The following LMLN variants were observed in gnomAD, a reference collection of about 807,000 sequenced individuals.
The protein encoded by LMLN is leishmanolysin-like peptidase.
A neutral mutation model predicts 92.3 loss-of-function variants in LMLN; 70 were observed. That is an observed-to-expected ratio of 0.76 (90% confidence interval 0.63 to 0.92). The LOEUF (loss-of-function observed/expected upper bound fraction) is 0.92. LMLN is among the 40% of genes least tolerant of loss of function. The pLI is 0.00. For missense variants in LMLN, 691 were observed against 814.6 expected (o/e 0.85, Z 1.85); for synonymous variants, 308 against 296.2 (o/e 1.04, Z -0.41).
At chr3:197,989,920 G>C (rs1220510381) in intron 8 of LMLN, among the ~76,000 whole-genome samples, 1 of 152,130 alleles carries the variant, frequency 6.6e-6, no homozygotes, top group Non-Finnish European at 1.5e-5. Flanking sequence ...TGTCACCCAG[G>C]CTGGAGTGCG....
chr3:197,981,470 C>T (rs1221560356), intron 6 of LMLN, among the ~76,000 whole-genome samples: 1 of 152,220 alleles, frequency 6.6e-6, no homozygotes, highest in African/African-American at 2.4e-5. Flanking sequence ...AATTTTAGGA[C>T]TTCTGTGCTA....
chr3:197,976,143 C>G, intron 4 of LMLN, 32 bp downstream of exon 4: 1 of 1,390,178 alleles, frequency 7.2e-7, no homozygotes. Context: ...TCATTTTCTT[C>G]AGCCGTTTAG....
chr3:198,041,258 A>T (rs1269635382), exon 16 of LMLN: 1 of 152,226 alleles, frequency 6.6e-6, no homozygotes, highest in African/African-American at 2.4e-5. Flanking sequence ...AACATAGTCA[A>T]CTTAACTAAA....
chr3:198,030,496 C>G (rs1723049615), intron 14 of LMLN, among the ~76,000 whole-genome samples: 1 of 152,176 alleles, frequency 6.6e-6, no homozygotes, highest in Non-Finnish European at 1.5e-5. Flanking sequence ...AGCTCTTCTC[C>G]CAGTTGGGCT....
chr3:197,972,746 A>G (rs951531073), intron 1 of LMLN, among the ~76,000 whole-genome samples: 4 of 152,038 alleles, frequency 2.6e-5, no homozygotes, highest in African/African-American at 9.7e-5. Context: ...CTGTATTCAA[A>G]ATTCCAAACT....
chr3:198,019,202 T>G lies in LMLN; in HGVS notation c.1233-51T>G. 1 of 1,548,720 alleles carries G rather than the reference T, an allele frequency of 6.5e-7. No homozygotes were observed. Among genetic ancestry groups the G allele is most frequent in the Non-Finnish European group, 8.7e-7 (1 of 1,144,484 alleles). ...CCATTTGTTGGCTGTATAATGGACT[T>G]GCAGTATTTTCTTTAAAGTTTGATA... On this transcript the variant is annotated intron_variant, in intron 11 of 15. Transcript: ENST00000330198. This position sits in a 1 kb window ranked among gnomAD's most constrained non-coding sequence, Gnocchi z 5.5.
At chr3:198,039,955 A>G (rs1022827966) in exon 16 of LMLN, 1 of 152,248 alleles carries the variant, frequency 6.6e-6, no homozygotes, top group Non-Finnish European at 1.5e-5. Flanking sequence ...CATGGAAGAC[A>G]TGCAAACAGA....
intron 14 of LMLN, among the ~76,000 whole-genome samples, chr3:198,027,091 A>G (rs1049179248): frequency 3.3e-5 from 5 of 152,004 alleles, no homozygotes; most frequent in Non-Finnish European, 2.9e-5. Context: ...TTAGTTTTCC[A>G]CCTTTTCACA....
chr3:198,003,258 C>T (rs1423084520), intron 11 of LMLN, 133 bp downstream of exon 12: 4 of 548,876 alleles, frequency 7.3e-6, no homozygotes, highest in Non-Finnish European at 1.3e-5. Context: ...AGAAAACCAT[C>T]TATAGATGGT....
At chr3:197,997,393 CAA>C (rs1722057313) in intron 10 of LMLN, among the ~76,000 whole-genome samples, 1 of 152,192 alleles carries the variant, frequency 6.6e-6, no homozygotes, top group Non-Finnish European at 1.5e-5. Flanking sequence ...CTCAGCCTCC[CAA>C]AGTGTGGGGT....
rs1482504872 is a variant in LMLN, at chr3:197,960,229, C to G, written c.8C>G (p.Thr3Arg). 6 of 1,607,532 alleles carry G rather than the reference C, an allele frequency of 3.7e-6. No homozygotes were observed. The African/African-American group carries it at 5.3e-5, about 14-fold the overall frequency. The change falls in exon 1 of 16, where the codon ACG becomes AGG. Residue 3 changes from threonine to arginine, a missense_variant. Physicochemically the swap from Thr to Arg is moderately conservative, Grantham distance 71. This residue lies in a region of LMLN where 91 missense variants were observed against 52.5 expected (regional missense o/e 1.73). Coordinates refer to ENST00000330198, the Ensembl canonical transcript of LMLN. ...AGAGGCGTCACGCACTCCATGGTAA[C>G]GACGCTCGGCCCGAAGATGGCGGCC... is the stretch of plus-strand genomic sequence containing the variant.
chr3:197,999,498 A>G (rs1722114165), intron 11 of LMLN, 156 bp downstream of exon 11: 2 of 604,076 alleles, frequency 3.3e-6, no homozygotes, highest in African/African-American at 3.7e-5. Flanking sequence ...ATTCATACCA[A>G]CTCCATTCAT....
chr3:198,019,374 C>T lies in LMLN; in HGVS notation c.1354C>T (p.Gln452Ter), dbSNP rs926706108. 6.2e-7 allele frequency: 1 copy of T among 1,613,380 alleles called. No individual in the cohort carries two copies. Among genetic ancestry groups the T allele is most frequent in the Non-Finnish European group, 8.5e-7 (1 of 1,179,886 alleles). ...GCAGAAGTTCCCTAAGCCTTTACCACAGGAATACCAGGTAGAACAGGGCTG... is the reference window on the plus strand; with the variant it reads ...GCAGAAGTTCCCTAAGCCTTTACCATAGGAATACCAGGTAGAACAGGGCTG... The change falls in exon 12 of 16, where the codon CAG (glutamine) becomes TAG (stop). Residue 452 changes from glutamine (Q) to a stop codon, truncating the protein, a stop_gained. Transcript: ENST00000330198. LOFTEE classifies it high-confidence loss of function. The surrounding 1 kb of genome is among the most constrained non-coding windows in gnomAD (Gnocchi z 5.5).
At chr3:197,997,383 C>T (rs1581156111) in intron 10 of LMLN, among the ~76,000 whole-genome samples, 1 of 152,222 alleles carries the variant, frequency 6.6e-6, no homozygotes, top group African/African-American at 2.4e-5. Flanking sequence ...ATTCACCCGC[C>T]TCAGCCTCCC....
chr3:198,024,936 G>T, intron 14 of LMLN, 148 bp downstream of exon 15: 1 of 564,128 alleles, frequency 1.8e-6, no homozygotes. Flanking sequence ...TAGTTTGGAT[G>T]CTTATGTTTT....
intron 11 of LMLN, among the ~76,000 whole-genome samples, chr3:198,009,062 G>A (rs181481153): frequency 6.6e-6 from 1 of 152,068 alleles, no homozygotes; most frequent in African/African-American, 2.4e-5. Context: ...AATGTGGTCT[G>A]TCTTGGTGAA....
At chr3:198,006,492 C>G (rs1722296505) in intron 11 of LMLN, among the ~76,000 whole-genome samples, 1 of 152,142 alleles carries the variant, frequency 6.6e-6, no homozygotes, top group African/African-American at 2.4e-5. Flanking sequence ...AAGAAAATGC[C>G]AAACTTTTTA....
At chr3:198,026,745 G>A (rs553422917) in intron 14 of LMLN, among the ~76,000 whole-genome samples, 84 of 152,128 alleles carry the variant, frequency 5.5e-4, no homozygotes, top group Non-Finnish European at 1.0e-3. Context: ...AGATCTGGGC[G>A]GTAATTATAC....
intron 10 of LMLN, among the ~76,000 whole-genome samples, chr3:197,998,260 A>T (rs75625938): frequency 0.065 from 9,828 of 152,292 alleles, 376 homozygotes; most frequent in African/African-American, 0.1. Flanking sequence ...GCTTAAATAG[A>T]TAGTTGCAGC....
Sources: allele counts gnomAD v4.1 joint callset (sites outside exome capture counted in the v4.1 genomes callset), GRCh38; gene constraint gnomAD v4.1.1; regional missense constraint gnomAD v4.1.1; non-coding constraint Gnocchi (gnomAD v3.1); transcripts MANE v1.5; gene names NCBI Gene and HGNC (gene_info 2026-07-23, HGNC 2026-07-21).